GRAMD2B: variants seen among roughly 807,000 people sequenced by gnomAD.
GRAMD2B encodes GRAM domain containing 2B.
In GRAMD2B, 41 loss-of-function variants were observed where a neutral mutation model predicts 59.2. The ratio of observed to expected loss-of-function variants is 0.69; its 90% confidence interval spans 0.54 to 0.90. The LOEUF (loss-of-function observed/expected upper bound fraction) is 0.90. GRAMD2B is among the 40% of genes least tolerant of loss of function. The pLI is 0.00. For synonymous variants in GRAMD2B, 161 were observed against 182.7 expected (o/e 0.88, Z 0.96); for missense variants, 424 against 500.5 (o/e 0.85, Z 1.46).
chr5:126,424,315 G>T (rs535853694), intron 1 of GRAMD2B, among the ~76,000 whole-genome samples: 1 of 152,054 alleles, frequency 6.6e-6, no homozygotes, highest in African/African-American at 2.4e-5. Context: ...GGGAGGAGAG[G>T]TTGTTTTTTT....
At chr5:126,421,915 C>G (rs373816430), upstream of GRAMD2B, among the ~76,000 whole-genome samples, 36 of 152,242 alleles carry the variant, frequency 2.4e-4, no homozygotes, top group African/African-American at 8.2e-4. Context: ...GGACTTGCAG[C>G]CCCAGAACAT....
intron 1 of GRAMD2B, among the ~76,000 whole-genome samples, chr5:126,374,543 A>G (rs1755027305): frequency 1.3e-5 from 2 of 152,024 alleles, no homozygotes; most frequent in Admixed American, 1.3e-4. Context: ...CTGAGTTCTT[A>G]TTTTAATTTG....
At chr5:126,432,142 T>G (rs912393476) in intron 1 of GRAMD2B, among the ~76,000 whole-genome samples, 2 of 151,986 alleles carry the variant, frequency 1.3e-5, no homozygotes, top group African/African-American at 4.8e-5. Context: ...TTACTCAGAC[T>G]GGTCTTGAAC....
Position 126,480,490 on chromosome 5 carries a change from C to T in GRAMD2B, c.617C>T (p.Thr206Ile). The T allele has an allele frequency of 6.2e-7, 1 of 1,613,262 alleles. No individual in the cohort carries two copies. The highest frequency in any genetic ancestry group is 8.5e-7 in the Non-Finnish European group (1 of 1,179,200). The change falls in exon 7 of 14, where the codon ACT becomes ATT. Residue 206 changes from threonine (T) to isoleucine (I), a missense_variant. Physicochemically the swap from Thr to Ile is moderately conservative, Grantham distance 89. Coordinates refer to ENST00000285689, the MANE Select transcript of GRAMD2B (RefSeq NM_023927.4). ...GTCTCCTTACTCTCCAGAGATTCAA[C>T]TTACAAACTACTAAAATCTGTGTGT... The part of the protein sequence containing the change: ...IFVSLLSRDS[T>I]YKLLKSVCGH...
chr5:126,450,450 CAA>C (rs902008710), intron 1 of GRAMD2B, among the ~76,000 whole-genome samples: 10 of 151,930 alleles, frequency 6.6e-5, no homozygotes, highest in African/African-American at 2.4e-4. Context: ...TAAGGTCAGA[CAA>C]GAGATTTGAA....
At chr5:126,429,460 T>C (rs1761200657) in intron 1 of GRAMD2B, among the ~76,000 whole-genome samples, 1 of 151,964 alleles carries the variant, frequency 6.6e-6, no homozygotes. Context: ...AGTGACAAAA[T>C]AATCTGTATA....
chr5:126,360,703 C>T (rs1010140592), intron 1 of GRAMD2B, among the ~76,000 whole-genome samples: 2 of 152,048 alleles, frequency 1.3e-5, no homozygotes, highest in Non-Finnish European at 2.9e-5. Flanking sequence ...AGGTGTATTG[C>T]ACAAAACTGG....
At chr5:126,460,339 C>T (rs1405745213) in intron 1 of GRAMD2B, among the ~76,000 whole-genome samples, 1 of 152,110 alleles carries the variant, frequency 6.6e-6, no homozygotes, top group Non-Finnish European at 1.5e-5. Flanking sequence ...AAATTTTATA[C>T]TTATGCTTAT....
chr5:126,464,817 A>G (rs141841299), intron 1 of GRAMD2B, among the ~76,000 whole-genome samples: 1 of 152,280 alleles, frequency 6.6e-6, no homozygotes, highest in Non-Finnish European at 1.5e-5. Flanking sequence ...AGACAGACAT[A>G]CTAAGTTTGA....
intron 10 of GRAMD2B, among the ~76,000 whole-genome samples, chr5:126,485,052 G>A (rs965211260): frequency 6.6e-6 from 1 of 152,150 alleles, no homozygotes; most frequent in African/African-American, 2.4e-5. Flanking sequence ...GTCACTTCAT[G>A]ATTCTGAATA....
At chr5:126,435,284 G>A (rs1325441614) in intron 1 of GRAMD2B, among the ~76,000 whole-genome samples, 1 of 152,206 alleles carries the variant, frequency 6.6e-6, no homozygotes, top group African/African-American at 2.4e-5. Flanking sequence ...GTTTTGTGGG[G>A]TGAGATTAGA....
intron 5 of GRAMD2B, among the ~76,000 whole-genome samples, chr5:126,476,841 A>C (rs1182585832): frequency 6.6e-6 from 1 of 152,160 alleles, no homozygotes; most frequent in Non-Finnish European, 1.5e-5. Flanking sequence ...GGCGAATGAA[A>C]TTTTTATTCA....
chr5:126,381,981 T>C (rs1755700469), intron 1 of GRAMD2B, among the ~76,000 whole-genome samples: 2 of 152,156 alleles, frequency 1.3e-5, no homozygotes, highest in Non-Finnish European at 2.9e-5. Flanking sequence ...CAAAAATCTT[T>C]GCTGATAATT....
chr5:126,462,028 T>C (rs1767470689), intron 1 of GRAMD2B, among the ~76,000 whole-genome samples: 1 of 152,180 alleles, frequency 6.6e-6, no homozygotes, highest in Admixed American at 6.5e-5. Flanking sequence ...CTTCTGTGGA[T>C]ACTTACACCT....
At chr5:126,469,137 C>G (rs925978697) in intron 2 of GRAMD2B, among the ~76,000 whole-genome samples, 1 of 152,154 alleles carries the variant, frequency 6.6e-6, no homozygotes, top group Non-Finnish European at 1.5e-5. Flanking sequence ...ATTTTCACAA[C>G]TTGATTGTTA....
intron 1 of GRAMD2B, among the ~76,000 whole-genome samples, chr5:126,394,092 G>A (rs1159910604): frequency 2.6e-5 from 4 of 151,714 alleles, no homozygotes; most frequent in Admixed American, 2.0e-4. Context: ...GGCCAACACG[G>A]TGAAACCCTG....
At chr5:126,406,009 C>G (rs1397447631) in intron 1 of GRAMD2B, among the ~76,000 whole-genome samples, 1 of 151,858 alleles carries the variant, frequency 6.6e-6, no homozygotes, top group Non-Finnish European at 1.5e-5. Flanking sequence ...CCTAAAAACT[C>G]ATTTGTCATA....
At position 126,493,304 on chromosome 5, in the gene GRAMD2B, C is replaced by T. The variant is rs899996607; in HGVS notation, c.*348C>T. 1.0e-4 allele frequency: 26 copies of T among 252,612 alleles called. No homozygotes were observed. Among genetic ancestry groups the T allele is most frequent in the Non-Finnish European group, 1.6e-4 (21 of 129,628 alleles). The allele number at this position is 252,612 out of a possible 1,614,324, so 15.6% of individuals were successfully genotyped here. On this transcript the variant is annotated 3_prime_UTR_variant, in exon 14 of 14. Coordinates refer to ENST00000285689, the MANE Select transcript of GRAMD2B (RefSeq NM_023927.4). ...CACCCTGTGCCTTTTTAGTCCTTCC[C>T]GCCCTCCTGCCTCTCCCTTACACCC...
At chr5:126,393,547 C>T (rs1306999003) in intron 1 of GRAMD2B, among the ~76,000 whole-genome samples, 1 of 152,180 alleles carries the variant, frequency 6.6e-6, no homozygotes, top group African/African-American at 2.4e-5. Context: ...CAAAGTTCCA[C>T]CTTACCTGTA....
Sources: allele counts gnomAD v4.1 joint callset (sites outside exome capture counted in the v4.1 genomes callset), GRCh38; gene constraint gnomAD v4.1.1; transcripts MANE v1.5; gene names NCBI Gene and HGNC (gene_info 2026-07-23, HGNC 2026-07-21).